FAM107B: variants seen among roughly 807,000 people sequenced by gnomAD.
FAM107B encodes the protein family with sequence similarity 107 member B.
FAM107B carries 21 observed loss-of-function variants against 31.5 expected under a neutral mutation model. That is an observed-to-expected ratio of 0.67 (90% CI 0.47 to 0.96). FAM107B has a LOEUF of 0.96. Ranked by LOEUF, FAM107B falls within the 40% of genes least tolerant of loss-of-function variation. The probability of loss-of-function intolerance (pLI) is 0.00; values close to 1 mark genes in which losing one functional copy is unlikely to be tolerated. For synonymous variants in FAM107B, 157 were observed against 141.5 expected, an observed-to-expected ratio of 1.11 and a Z score of -0.78; for missense variants, 452 against 377.1, an observed-to-expected ratio of 1.20 and a Z score of -1.64.
At chr10:14,613,949 G>A (rs1200747733) in intron 2 of FAM107B, among the ~76,000 whole-genome samples, 1 of 152,038 alleles carries the variant, frequency 6.6e-6, no homozygotes, top group Non-Finnish European at 1.5e-5. Context: ...TGGGCAACAT[G>A]GTGAAACCCT....
chr10:14,771,970 C>T (rs6602764), intron 1 of FAM107B, among the ~76,000 whole-genome samples: 14,866 of 152,194 alleles, frequency 0.098, 1,941 homozygotes, highest in African/African-American at 0.3. Context: ...GGGTTCCAGT[C>T]CTGTCTCTGC....
chr10:14,553,247 G>A, intron 2 of FAM107B: 1 of 708,344 alleles, frequency 1.4e-6, no homozygotes. Context: ...CTGTTCACAG[G>A]TAAGTTTTTC....
intron 2 of FAM107B, chr10:14,553,533 T>G (rs1040311452): frequency 1.2e-4 from 45 of 374,030 alleles, no homozygotes; most frequent in Non-Finnish European, 9.0e-5. Context: ...AGTTCTCTGG[T>G]CCCTGGTACC....
intron 3 of FAM107B, among the ~76,000 whole-genome samples, chr10:14,524,600 CA>C (rs1846031480): frequency 6.6e-6 from 1 of 151,984 alleles, no homozygotes; most frequent in Non-Finnish European, 1.5e-5. Flanking sequence ...GTACTCTGTT[CA>C]AAATAAAGGT....
At chr10:14,524,143 G>A (rs1311849322) in intron 3 of FAM107B, among the ~76,000 whole-genome samples, 1 of 151,592 alleles carries the variant, frequency 6.6e-6, no homozygotes, top group Non-Finnish European at 1.5e-5. Context: ...CCAGGTTCAA[G>A]CGATTCTCCT....
intron 2 of FAM107B, among the ~76,000 whole-genome samples, chr10:14,539,869 C>G (rs181350055): frequency 1.0e-3 from 156 of 152,300 alleles, no homozygotes; most frequent in African/African-American, 3.6e-3. Context: ...TACTCCTGTG[C>G]AGATTCTAGA....
At chr10:14,772,149 T>C (rs1338318895) in intron 1 of FAM107B, among the ~76,000 whole-genome samples, 1 of 151,940 alleles carries the variant, frequency 6.6e-6, no homozygotes, top group Non-Finnish European at 1.5e-5. Context: ...GGACAGGAGA[T>C]CGAGACCATC....
At chr10:14,766,003 C>CTGCCTAT (rs1329071967) in intron 1 of FAM107B, among the ~76,000 whole-genome samples, 2 of 152,136 alleles carry the variant, frequency 1.3e-5, no homozygotes, top group Non-Finnish European at 2.9e-5. Context: ...AATAGGCTTC[C>CTGCCTAT]AAGCAGCACT....
At chr10:14,543,449 GGA>G (rs1848413389) in intron 2 of FAM107B, among the ~76,000 whole-genome samples, 1 of 152,018 alleles carries the variant, frequency 6.6e-6, no homozygotes, top group South Asian at 2.1e-4. Flanking sequence ...CCTGAGCTCG[GGA>G]GAGAGGCACG....
At chr10:14,763,571 CT>C (rs1005461387) in intron 1 of FAM107B, among the ~76,000 whole-genome samples, 5 of 152,186 alleles carry the variant, frequency 3.3e-5, no homozygotes, top group African/African-American at 1.2e-4. Context: ...AGACGCAAGT[CT>C]TACGCAGCCA....
chr10:14,741,115 A>G (rs1856426525), intron 1 of FAM107B, among the ~76,000 whole-genome samples: 1 of 152,102 alleles, frequency 6.6e-6, no homozygotes, highest in Admixed American at 6.6e-5. Flanking sequence ...GAGTCAGAGG[A>G]GTGGCTGGCA....
chr10:14,734,058 G>C (rs1856236023), intron 1 of FAM107B, among the ~76,000 whole-genome samples: 1 of 152,092 alleles, frequency 6.6e-6, no homozygotes, highest in African/African-American at 2.4e-5. Context: ...CTTGGGACTA[G>C]ATTTGTTCAA....
At chr10:14,687,257 G>A (rs145956126) in intron 1 of FAM107B, among the ~76,000 whole-genome samples, 4 of 152,208 alleles carry the variant, frequency 2.6e-5, no homozygotes, top group African/African-American at 9.6e-5. Flanking sequence ...ACACTTCCCC[G>A]GGCTTCATTT....
At chr10:14,751,272 C>T (rs1208056821) in intron 1 of FAM107B, among the ~76,000 whole-genome samples, 1 of 152,152 alleles carries the variant, frequency 6.6e-6, no homozygotes, top group South Asian at 2.1e-4. Flanking sequence ...AACGAGAGGA[C>T]GTTTTGGGAA....
intron 1 of FAM107B, among the ~76,000 whole-genome samples, chr10:14,761,004 T>C (rs988192394): frequency 5.8e-5 from 5 of 85,908 alleles, no homozygotes; most frequent in African/African-American, 2.3e-4. Context: ...AGAGCAAGAC[T>C]CCGTTTCAAA....
At chr10:14,642,653 T>G (rs1400163354) in intron 2 of FAM107B, among the ~76,000 whole-genome samples, 2 of 152,198 alleles carry the variant, frequency 1.3e-5, no homozygotes, top group Non-Finnish European at 2.9e-5. Flanking sequence ...ATTTTCCAAG[T>G]CTGCAAGTTC....
At chr10:14,584,739 T>C (rs1470339566) in intron 2 of FAM107B, among the ~76,000 whole-genome samples, 3 of 152,088 alleles carry the variant, frequency 2.0e-5, no homozygotes, top group Non-Finnish European at 4.4e-5. Flanking sequence ...AACCCCAACT[T>C]TCCACACCTA....
At chr10:14,674,591 G>GT (rs1412316751) in intron 1 of FAM107B, among the ~76,000 whole-genome samples, 5 of 152,148 alleles carry the variant, frequency 3.3e-5, no homozygotes, top group African/African-American at 1.2e-4. Flanking sequence ...AGCACTTAGC[G>GT]TGAGTACAAA....
intron 2 of FAM107B, chr10:14,556,229 C>G (rs1336694854): frequency 4.7e-6 from 2 of 427,416 alleles, no homozygotes; most frequent in African/African-American, 2.2e-5. Context: ...AAGTGACTTT[C>G]CAGAGCCCTC....
Sources: gnomAD v4.1 joint callset for allele counts (sites outside exome capture counted in the v4.1 genomes callset) on GRCh38, gnomAD v4.1.1 for gene constraint, MANE v1.5 for transcripts, NCBI Gene and HGNC (gene_info 2026-07-23, HGNC 2026-07-21) for gene names.